Variants in CYP4A11 observed in about 807,000 individuals in gnomAD.
CYP4A11 encodes cytochrome P450 4A11.
CYP4A11 carries 52 observed loss-of-function variants against 57.7 expected under a neutral mutation model. That is an observed-to-expected ratio of 0.90 (90% CI 0.72 to 1.14). The LOEUF is 1.14. Ranked by LOEUF, CYP4A11 falls within the 50% of genes most tolerant of loss-of-function variation. CYP4A11 has a pLI of 0.00. For missense variants in CYP4A11, 641 were observed against 642.1 expected (o/e 1.00, Z 0.02); for synonymous variants, 228 against 247.1 (o/e 0.92, Z 0.72).
chr1:46,937,028 T>G lies in CYP4A11; in HGVS notation c.383-237A>C, dbSNP rs113508028. ...GCATGTGATTATGACAGCTGTGAGA[T>G]AAAAGTTGAAAAGGGTTGTGGGCAG... is the stretch of plus-strand genomic sequence containing the variant. On this transcript the variant is annotated intron_variant, in intron 3 of 11. Transcript: ENST00000310638. Among the ~76,000 whole-genome samples, 535 of 152,164 alleles carry G rather than the reference T, an allele frequency of 3.5e-3. 8 individuals are homozygous for G. The highest frequency in any genetic ancestry group is 0.012 in the African/African-American group (506 of 41,498).
chr1:46,932,998 C>A lies in CYP4A11; in HGVS notation c.1272G>T (p.Val424=). ...SIYGLHHNPK[V]WPNPEVFDPF... is the part of the protein sequence containing the mutation. ...GACCACATACCTCTGGGTTGGGCCA[C>A]ACTTTTGGGTTGTGGTGAAGGCCAT... The change falls in exon 10 of 12, where the codon GTG becomes GTT. Residue 424 remains valine, a synonymous_variant. Transcript: ENST00000310638. 1 of 1,614,174 alleles carries A rather than the reference C, an allele frequency of 6.2e-7. No homozygotes were observed. The highest frequency in any genetic ancestry group is 8.5e-7 in the Non-Finnish European group (1 of 1,180,030).
chr1:46,935,018 G>C lies in CYP4A11; in HGVS notation c.772C>G (p.Leu258Val). The change falls in exon 6 of 12, where the codon CTG becomes GTG. Residue 258 changes from leucine to valine, a missense_variant. Coordinates refer to ENST00000310638, the MANE Select transcript of CYP4A11 (RefSeq NM_000778.4). ...AGRWTHRACQ[L>V]AHQHTDQVIQ... is the part of the protein sequence containing the mutation. ...ACAGAACCTGTGTGCTGATGGGCCA[G>C]CTGGCAGGCGCGGTGTGTCCAGCGG... 6.2e-7 allele frequency: 1 copy of C among 1,614,008 alleles called. No homozygotes were observed. Among genetic ancestry groups the C allele is most frequent in the South Asian group, 1.1e-5 (1 of 91,036 alleles).
Position 46,935,544 on chromosome 1 carries a change from T to C in CYP4A11, c.614A>G (p.Gln205Arg), listed in dbSNP as rs757534980. The C allele has an allele frequency of 1.9e-6, 3 of 1,613,952 alleles. No individual in the cohort carries two copies. The highest frequency in any genetic ancestry group is 2.5e-6 in the Non-Finnish European group (3 of 1,179,838). Reference sequence around the variant, plus strand: ...TGACCTGTCCACCTGGATGCTGCCCTGATGGCTGAAGGCACACTTCATGAT... The same window carrying C: ...TGACCTGTCCACCTGGATGCTGCCCCGATGGCTGAAGGCACACTTCATGAT... ...DTIMKCAFSHQGSIQVDRNSQ... is the reference protein window; with the variant it reads ...DTIMKCAFSHRGSIQVDRNSQ... Residue 205 changes from glutamine to arginine, a missense_variant, in exon 5 of 12, where the codon CAG (glutamine) becomes CGG (arginine). Gln to Arg is a conservative substitution (Grantham distance 43, BLOSUM62 1). Transcript: ENST00000310638.
Position 46,938,239 on chromosome 1 carries a change from G to C in CYP4A11, c.196-102C>G, listed in dbSNP as rs887491350. ...ACAGGAGCCATGTAGCGCAGGTTAG[G>C]GATTTAGATCTGTTTCTGATGACCT... is the stretch of plus-strand genomic sequence containing the variant. On this transcript the variant is annotated intron_variant, in intron 1 of 11. Transcript: ENST00000310638. 3.3e-6 allele frequency: 5 copies of C among 1,499,408 alleles called. No individual in the cohort carries two copies. In the African/African-American group the frequency reaches 4.1e-5, roughly 12 times the overall value. The allele number at this position is 1,499,408 out of a possible 1,614,324, so 92.9% of individuals were successfully genotyped here.
In CYP4A11 at chr1:46,932,988, G is replaced by T. The variant is rs2148454031; in HGVS notation, c.1282C>A (p.Pro428Thr). The T allele has an allele frequency of 2.5e-6, 4 of 1,614,194 alleles. No individual in the cohort carries two copies. The highest frequency in any genetic ancestry group is 3.4e-6 in the Non-Finnish European group (4 of 1,180,036). The change falls in exon 10 of 12, where the codon CCA becomes ACA. Residue 428 changes from proline to threonine, a missense_variant. Coordinates refer to ENST00000310638, the MANE Select transcript of CYP4A11 (RefSeq NM_000778.4). ...LHHNPKVWPN[P>T]EVFDPFRFAP... ...TCCTCTCAAGGACCACATACCTCTGGGTTGGGCCACACTTTTGGGTTGTGG... is the reference window on the plus strand; with the variant it reads ...TCCTCTCAAGGACCACATACCTCTGTGTTGGGCCACACTTTTGGGTTGTGG...
rs1262130317 is a variant in CYP4A11, at chr1:46,937,177, A to G, written c.382+125T>C. The stretch of plus-strand genomic sequence containing the variant: ...GGTGAGGGTCTTGTTAGAAGAAGGA[A>G]GTGAGGCTTGATTTGGGGATAAGGT... On this transcript the variant is annotated intron_variant, in intron 3 of 11. Coordinates refer to ENST00000310638, the MANE Select transcript of CYP4A11 (RefSeq NM_000778.4). 2.4e-5 allele frequency: 28 copies of G among 1,185,456 alleles called. No individual in the cohort carries two copies. In the Admixed American group the frequency reaches 6.4e-4, roughly 27 times the overall value. 73.4% of individuals were successfully genotyped at this position (1,185,456 alleles called of 1,614,324 possible). A position where few individuals can be genotyped will look rare whatever the true frequency, so the allele number is the denominator to read the frequency against.
chr1:46,935,136 T>C lies in CYP4A11; in HGVS notation c.654A>G (p.Ile218Met), dbSNP rs12759935. The C allele has an allele frequency of 6.2e-7, 1 of 1,613,864 alleles. No homozygotes were observed. Among genetic ancestry groups the C allele is most frequent in the Non-Finnish European group, 8.5e-7 (1 of 1,179,906 alleles). Reference protein sequence around the residue: ...IQVDRNSQSYIQAISDLNNLV... With the variant: ...IQVDRNSQSYMQAISDLNNLV... ...GGTTGTTCAGGTCACTAATGGCCTG[T>C]ATGTAGGACTGAGAATTCCTGAGGG... is the stretch of plus-strand genomic sequence containing the variant. The change falls in exon 6 of 12, where the codon ATA (isoleucine) becomes ATG (methionine). Residue 218 changes from isoleucine to methionine, a missense_variant. Ile to Met is a conservative substitution (Grantham distance 10, BLOSUM62 1). Coordinates refer to ENST00000310638, the MANE Select transcript of CYP4A11 (RefSeq NM_000778.4).
chr1:46,935,152 T>G lies in CYP4A11; in HGVS notation c.638A>C (p.Asn213Thr). 6.2e-7 allele frequency: 1 copy of G among 1,613,556 alleles called. No homozygotes were observed. The change falls in exon 6 of 12, where the codon AAT becomes ACT. Residue 213 changes from asparagine to threonine, a missense_variant and splice_region_variant. Coordinates refer to ENST00000310638, the MANE Select transcript of CYP4A11 (RefSeq NM_000778.4). The stretch of plus-strand genomic sequence containing the variant: ...AATGGCCTGTATGTAGGACTGAGAA[T>G]TCCTGAGGGAGAGTATGAAGAAGGG... Reference protein sequence around the residue: ...SHQGSIQVDRNSQSYIQAISD... With the variant: ...SHQGSIQVDRTSQSYIQAISD...
At chr1:46,933,127 G>T in intron 9 of CYP4A11, 80 bp from the exon 10 acceptor site, 8 of 1,580,240 alleles carry the variant, frequency 5.1e-6, no homozygotes, top group Non-Finnish European at 6.9e-6. Flanking sequence ...AGGCACAAAA[G>T]AAGGCCCAAA....
chr1:46,932,417 C>G (rs1681082221), intron 11 of CYP4A11: 1 of 1,143,538 alleles, frequency 8.7e-7, no homozygotes, highest in South Asian at 2.4e-5. Context: ...GAAAAGCAAA[C>G]AGCTGAAGTT....
chr1:46,934,899 C>G (rs899365606), intron 6 of CYP4A11, 101 bp downstream of exon 6: 29 of 1,529,340 alleles, frequency 1.9e-5, no homozygotes, highest in South Asian at 7.8e-5. Context: ...GTGTGTTCTG[C>G]GTTCTGCAGG....
chr1:46,935,157 G>T lies in CYP4A11; in HGVS notation c.636-3C>A, dbSNP rs1250409067. The T allele has an allele frequency of 6.2e-7, 1 of 1,613,252 alleles. No homozygotes were observed. The highest frequency in any genetic ancestry group is 2.2e-5 in the East Asian group (1 of 44,854). ...CCTGTATGTAGGACTGAGAATTCCT[G>T]AGGGAGAGTATGAAGAAGGGACTGC... is the stretch of plus-strand genomic sequence containing the variant. On this transcript the variant is annotated splice_polypyrimidine_tract_variant and splice_region_variant and intron_variant, in intron 5 of 11. Coordinates refer to ENST00000310638, the MANE Select transcript of CYP4A11 (RefSeq NM_000778.4).
At chr1:46,933,842 A>T (rs1195650190) in intron 9 of CYP4A11, 104 bp downstream of exon 9, 42 of 1,508,532 alleles carry the variant, frequency 2.8e-5, no homozygotes, top group Non-Finnish European at 3.6e-5. Flanking sequence ...TTTAGAACAA[A>T]AGGGAGACCC....
At position 46,937,313 on chromosome 1, in the gene CYP4A11, GC is replaced by G. The variant is rs1681471847; in HGVS notation, c.370del (p.Ala124LeufsTer11). ...GTTTGCACACATACCAATCCATGGAGCCAGGAATCTGTAGGAACCATGGGAT... is the reference window on the plus strand; with the variant it reads ...GTTTGCACACATACCAATCCATGGAGCAGGAATCTGTAGGAACCATGGGAT... ...PKSHGSYRFL[A>X]PWIGYGLLLL... On this transcript the variant is annotated frameshift_variant, in exon 3 of 12. Coordinates refer to ENST00000310638, the MANE Select transcript of CYP4A11 (RefSeq NM_000778.4). LOFTEE classifies it high-confidence loss of function. The G allele has an allele frequency of 6.2e-7, 1 of 1,614,002 alleles. No homozygotes were observed. Among genetic ancestry groups the G allele is most frequent in the African/African-American group, 1.3e-5 (1 of 74,918 alleles).
At chr1:46,932,446 C>T (rs1163264346) in intron 11 of CYP4A11, 1 of 1,184,116 alleles carries the variant, frequency 8.4e-7, no homozygotes, top group African/African-American at 1.6e-5. Context: ...TGGAGAATAT[C>T]TAATTTTGAG....
chr1:46,934,224 C>T lies in CYP4A11; in HGVS notation c.1040G>A (p.Cys347Tyr). 1 of 1,613,848 alleles carries T rather than the reference C, an allele frequency of 6.2e-7. No individual in the cohort carries two copies. The highest frequency in any genetic ancestry group is 8.5e-7 in the Non-Finnish European group (1 of 1,179,874). ...LATHPKHQER[C>Y]REEIHSLLGD... ...CAGGAGGCTGTGGATCTCCTCCCGG[C>T]ACCTCTCCTGATGCTTGGGGTGTGT... Residue 347 changes from cysteine to tyrosine, a missense_variant, in exon 8 of 12, where the codon TGC becomes TAC. By Grantham distance (194) the Cys-to-Tyr change is radical. Coordinates refer to ENST00000310638, the MANE Select transcript of CYP4A11 (RefSeq NM_000778.4).
intron 6 of CYP4A11, 69 bp downstream of exon 6, chr1:46,934,931 C>A: frequency 6.4e-7 from 1 of 1,572,904 alleles, no homozygotes; most frequent in Non-Finnish European, 8.6e-7. Flanking sequence ...CCTTCTCTGG[C>A]TGAGGAGTCA....
chr1:46,937,246 A>C lies in CYP4A11; in HGVS notation c.382+56T>G, dbSNP rs1681465423. ...TAATCTGTTGTTCTCTGTGAGCCAAATAAATAACTCAAACCTGACTAGGGA... is the reference window on the plus strand; with the variant it reads ...TAATCTGTTGTTCTCTGTGAGCCAACTAAATAACTCAAACCTGACTAGGGA... On this transcript the variant is annotated intron_variant, in intron 3 of 11. Transcript: ENST00000310638. The C allele has an allele frequency of 1.9e-6, 3 of 1,586,864 alleles. No individual in the cohort carries two copies. The Admixed American group carries it at 5.1e-5, about 27-fold the overall frequency.
chr1:46,931,284 G>A (rs969618487), intron 11 of CYP4A11, among the ~76,000 whole-genome samples: 1 of 152,140 alleles, frequency 6.6e-6, no homozygotes, highest in South Asian at 2.1e-4. Context: ...AGGCCCCCAG[G>A]TAGCATTCAC....
Sources: allele counts gnomAD v4.1 joint callset (sites outside exome capture counted in the v4.1 genomes callset), GRCh38; gene constraint gnomAD v4.1.1; transcripts MANE v1.5; gene names NCBI Gene and HGNC (gene_info 2026-07-23, HGNC 2026-07-21).